SPEG: variants seen among roughly 807,000 people sequenced by gnomAD.
SPEG encodes the protein striated muscle enriched protein kinase.
A neutral mutation model predicts 300.4 loss-of-function variants in SPEG; 114 were observed. The ratio of observed to expected loss-of-function variants is 0.38; its 90% CI spans 0.33 to 0.44. The LOEUF (loss-of-function observed/expected upper bound fraction) is 0.44. SPEG is among the 20% of genes least tolerant of loss of function. The probability of loss-of-function intolerance (pLI) is 1.00; values close to 1 mark genes in which losing one functional copy is unlikely to be tolerated. For synonymous variants in SPEG, 1,964 were observed against 2,018.9 expected, an observed-to-expected ratio of 0.97 and a Z score of 0.73; for missense variants, 4,201 against 4,586.2, an observed-to-expected ratio of 0.92 and a Z score of 2.43.
In SPEG at chr2:219,481,360, T is replaced by G; in HGVS notation, c.5426T>G (p.Ile1809Ser). 6.2e-7 allele frequency: 1 copy of G among 1,613,986 alleles called. No homozygotes were observed. Among genetic ancestry groups the G allele is most frequent in the Non-Finnish European group, 8.5e-7 (1 of 1,180,004 alleles). Residue 1809 changes from isoleucine (I) to serine (S), a missense_variant, in exon 27 of 41, where the codon ATC (isoleucine) becomes AGC (serine). This residue lies in a region of SPEG where 1,047 missense variants were observed against 1,356.8 expected (regional missense o/e 0.77). Coordinates refer to ENST00000312358, the MANE Select transcript of SPEG (RefSeq NM_005876.5). This position sits in a 1 kb window ranked among gnomAD's most constrained non-coding sequence, Gnocchi z 5.4. ...AATGACCGGACAACATTGATGAACA[T>G]CCGAAACTACAACGTGGCCTTCGAG... ...GENDRTTLMN[I>S]RNYNVAFEET...
In SPEG at chr2:219,450,338, G is replaced by C. The variant is rs1689650037; in HGVS notation, c.2114-798G>C. On this transcript the variant is annotated intron_variant, in intron 4 of 40. Transcript: ENST00000312358. Reference sequence around the variant, plus strand: ...GATAACAAAACTGAGGCTCAGAGAGGCTAATTTGCCCAAGGTTTTGTAGCT... The same window carrying C: ...GATAACAAAACTGAGGCTCAGAGAGCCTAATTTGCCCAAGGTTTTGTAGCT... Among the ~76,000 whole-genome samples the C allele has an allele frequency of 2.6e-5, 4 of 152,316 alleles. No homozygotes were observed. The South Asian group carries it at 8.3e-4, about 32-fold the overall frequency.
intron 1 of SPEG, among the ~76,000 whole-genome samples, chr2:219,437,920 C>T (rs537480559): frequency 6.6e-6 from 1 of 152,288 alleles, no homozygotes; most frequent in East Asian, 1.9e-4. Context: ...TCGAGGAAGC[C>T]AAGCAAGGAC....
At chr2:219,492,430 C>G (rs1449254842) in intron 40 of SPEG, among the ~76,000 whole-genome samples, 164 bp from the exon 41 acceptor site, 1 of 152,224 alleles carries the variant, frequency 6.6e-6, no homozygotes, top group Non-Finnish European at 1.5e-5. Flanking sequence ...AAGGCAGACT[C>G]ACTGTCCCCA....
In SPEG at chr2:219,443,075, C is replaced by T. The variant is rs755365600; in HGVS notation, c.389-1578C>T. 6.2e-7 allele frequency: 1 copy of T among 1,604,036 alleles called. No homozygotes were observed. Among genetic ancestry groups the T allele is most frequent in the Non-Finnish European group, 8.5e-7 (1 of 1,173,816 alleles). On this transcript the variant is annotated intron_variant, in intron 1 of 40. Transcript: ENST00000312358. The surrounding 1 kb of genome is among the most constrained non-coding windows in gnomAD (Gnocchi z 4.6). ...CAGGGACCTTAGGAACAAGCCTCCC[C>T]CTCAACTACTCATTCTGGCTTTTCT...
rs918588667 is a variant in SPEG at position 219,464,923 on chromosome 2, C to T, written c.2881+315C>T. ...CTGGCCAAGCTCTCTCTACACTCTT[C>T]TGAGCCTTTGTCACCCTGCTCTGCC... On this transcript the variant is annotated intron_variant, in intron 9 of 40. Transcript: ENST00000312358. The surrounding 1 kb of genome is among the most constrained non-coding windows in gnomAD (Gnocchi z 4.5). The T allele has an allele frequency of 9.5e-6, 3 of 315,272 alleles. No homozygotes were observed. Among genetic ancestry groups the T allele is most frequent in the African/African-American group, 6.4e-5 (3 of 46,538 alleles). 19.5% of individuals were successfully genotyped at this position (315,272 alleles called of 1,614,324 possible).
chr2:219,484,410 C>G lies in SPEG; in HGVS notation c.6947C>G (p.Pro2316Arg). The part of the protein sequence containing the change: ...KARVPTVPPR[P>R]GSSLSSSIEN... ...CGAGTTCCCACGGTGCCCCCCAGGCCAGGCAGCAGTCTCAGTAGCAGCATC... is the reference window on the plus strand; with the variant it reads ...CGAGTTCCCACGGTGCCCCCCAGGCGAGGCAGCAGTCTCAGTAGCAGCATC... Residue 2316 changes from proline (P) to arginine (R), a missense_variant, in exon 30 of 41, where the codon CCA (proline) becomes CGA (arginine). Physicochemically the swap from Pro to Arg is moderately radical, Grantham distance 103. Around this residue, in one of 4 missense-constraint regions of SPEG, gnomAD observed 1,578 missense variants for 1,506.0 expected, o/e 1.05. Coordinates refer to ENST00000312358, the MANE Select transcript of SPEG (RefSeq NM_005876.5). 1 of 1,610,954 alleles carries G rather than the reference C, an allele frequency of 6.2e-7. No individual in the cohort carries two copies. Among genetic ancestry groups the G allele is most frequent in the Non-Finnish European group, 8.5e-7 (1 of 1,179,832 alleles).
chr2:219,462,962 A>G (rs1036720191), intron 8 of SPEG, among the ~76,000 whole-genome samples: 18 of 152,090 alleles, frequency 1.2e-4, no homozygotes, highest in Admixed American at 1.1e-3. Context: ...GGAGCAAGAC[A>G]TTTCAGAGGC....
At chr2:219,488,687 AG>A (rs1307415272) in intron 33 of SPEG, 22 bp downstream of exon 33, 2 of 1,602,480 alleles carry the variant, frequency 1.2e-6, no homozygotes, top group Admixed American at 1.7e-5. Flanking sequence ...GCAGGGCCCC[AG>A]GGGGGTAGTG....
chr2:219,473,621 G>A lies in SPEG; in HGVS notation c.4265G>A (p.Trp1422Ter). 6.2e-7 allele frequency: 1 copy of A among 1,614,208 alleles called. No homozygotes were observed. Among genetic ancestry groups the A allele is most frequent in the Non-Finnish European group, 8.5e-7 (1 of 1,180,038 alleles). The change falls in exon 17 of 41, where the codon TGG (tryptophan) becomes TAG (stop). Residue 1422 changes from tryptophan (W) to a stop codon, truncating the protein, a stop_gained. Transcript: ENST00000312358. LOFTEE classifies it high-confidence loss of function. The surrounding 1 kb of genome is among the most constrained non-coding windows in gnomAD (Gnocchi z 4.6). ...TFNHVEAQVVWRSCRGALLEA... is the reference protein window; with the variant it reads ...TFNHVEAQVV ...AACCATGTGGAGGCCCAGGTCGTCTGGAGGAGGTGGGCCCCTTTCCCACAT... is the reference window on the plus strand; with the variant it reads ...AACCATGTGGAGGCCCAGGTCGTCTAGAGGAGGTGGGCCCCTTTCCCACAT...
At chr2:219,475,614 C>T (rs1692267045) in intron 18 of SPEG, among the ~76,000 whole-genome samples, 4 of 152,206 alleles carry the variant, frequency 2.6e-5, no homozygotes, top group Admixed American at 2.6e-4. Flanking sequence ...TCAGTCACCA[C>T]TTTACTCCTT....
In SPEG at chr2:219,451,710, C is replaced by T. The variant is rs1689767696; in HGVS notation, c.2343C>T (p.Leu781=). 1.3e-6 allele frequency: 2 copies of T among 1,567,234 alleles called. No homozygotes were observed. The highest frequency in any genetic ancestry group is 1.7e-6 in the Non-Finnish European group (2 of 1,157,072). ...AGGGTGAGCGGCACACCCTGCTGCT[C>T]AGGGAGGCCAGGGCAGCAGATGCCG... is the stretch of plus-strand genomic sequence containing the variant. The part of the protein sequence containing the change: ...RAEGERHTLL[L]REARAADAGS... The change falls in exon 6 of 41, where the codon CTC becomes CTT. Residue 781 remains leucine (L), a synonymous_variant. Transcript: ENST00000312358. The surrounding 1 kb of genome is among the most constrained non-coding windows in gnomAD (Gnocchi z 6.4).
At position 219,458,031 on chromosome 2, in the gene SPEG, C is replaced by T. The variant is rs1690328060; in HGVS notation, c.2441-3851C>T. Among the ~76,000 whole-genome samples the T allele has an allele frequency of 1.3e-5, 2 of 152,230 alleles. No homozygotes were observed. The highest frequency in any genetic ancestry group is 2.9e-5 in the Non-Finnish European group (2 of 68,012). Reference sequence around the variant, plus strand: ...TACTTCCTGCTTGCTCTTGTAGTCACTTGTGTATCTGGTTTGTCTTCCCCA... The same window carrying T: ...TACTTCCTGCTTGCTCTTGTAGTCATTTGTGTATCTGGTTTGTCTTCCCCA... On this transcript the variant is annotated intron_variant, in intron 6 of 40. Transcript: ENST00000312358. The surrounding 1 kb of genome is among the most constrained non-coding windows in gnomAD (Gnocchi z 4.2).
chr2:219,437,532 G>A (rs529667423), intron 1 of SPEG, among the ~76,000 whole-genome samples: 5 of 152,314 alleles, frequency 3.3e-5, no homozygotes, highest in Admixed American at 2.0e-4. Context: ...GGCTGGATCA[G>A]GGGCCCTTTG....
chr2:219,439,353 G>C lies in SPEG; in HGVS notation c.388+3988G>C, dbSNP rs1954800466. Among the ~76,000 whole-genome samples, 1 of 152,094 alleles carries C rather than the reference G, an allele frequency of 6.6e-6. No individual in the cohort carries two copies. The highest frequency in any genetic ancestry group is 2.4e-5 in the African/African-American group (1 of 41,390). ...GGAGACCAAAATTTATGTCCTCCAGGGGATAACTTTCTAGTGAGGGGAGAC... is the reference window on the plus strand; with the variant it reads ...GGAGACCAAAATTTATGTCCTCCAGCGGATAACTTTCTAGTGAGGGGAGAC... On this transcript the variant is annotated intron_variant, in intron 1 of 40. Transcript: ENST00000312358. The surrounding 1 kb of genome is among the most constrained non-coding windows in gnomAD (Gnocchi z 4.5).
Position 219,487,695 on chromosome 2 carries a change from C to A in SPEG, c.7742-499C>A, listed in dbSNP as rs182653067. ...GTCTGCCCACAGTTTTCCTAGACTG[C>A]AGCTCTTTTGAGACTGCACATTCTG... is the stretch of plus-strand genomic sequence containing the variant. On this transcript the variant is annotated intron_variant, in intron 31 of 40. Transcript: ENST00000312358. 8.9e-3 allele frequency among the ~76,000 whole-genome samples: 1,356 copies of A among 152,340 alleles called. 7 individuals are homozygous for A. Among genetic ancestry groups the A allele is most frequent in the Non-Finnish European group, 0.014 (967 of 68,036 alleles).
intron 34 of SPEG, 47 bp from the exon 35 acceptor site, chr2:219,489,007 G>A (rs1693712077): frequency 6.2e-7 from 1 of 1,608,510 alleles, no homozygotes; most frequent in African/African-American, 1.3e-5. Context: ...GTGGGAGCTG[G>A]GGCCACCGCT....
chr2:219,477,078 G>A lies in SPEG; in HGVS notation c.4560+96G>A, dbSNP rs2125514981. ...AAGGCCTTAGGAGGGCGGAGCCCGG[G>A]CAGAGGCGTGGTTAGGAGGAGGAAA... On this transcript the variant is annotated intron_variant, in intron 19 of 40. Coordinates refer to ENST00000312358, the MANE Select transcript of SPEG (RefSeq NM_005876.5). This position sits in a 1 kb window ranked among gnomAD's most constrained non-coding sequence, Gnocchi z 6.4. 4 of 1,176,884 alleles carry A rather than the reference G, an allele frequency of 3.4e-6. No homozygotes were observed. Among genetic ancestry groups the A allele is most frequent in the Admixed American group, 2.4e-5 (1 of 41,174 alleles). The allele number at this position is 1,176,884 out of a possible 1,614,324, so 72.9% of individuals were successfully genotyped here. A position where few individuals can be genotyped will look rare whatever the true frequency, so the allele number is the denominator to read the frequency against.
rs1689539384 is a variant in SPEG at position 219,449,062 on chromosome 2, C to T, written c.1904C>T (p.Ala635Val). Reference sequence around the variant, plus strand: ...CCCGGTCGGAAGCGGGAGCCCCCGGCGCAGGCCGTGCGCTTCCTGCCCTGG... The same window carrying T: ...CCCGGTCGGAAGCGGGAGCCCCCGGTGCAGGCCGTGCGCTTCCTGCCCTGG... Reference protein sequence around the residue: ...APPGRKREPPAQAVRFLPWAT... With the variant: ...APPGRKREPPVQAVRFLPWAT... The change falls in exon 4 of 41, where the codon GCG becomes GTG. Residue 635 changes from alanine (A) to valine (V), a missense_variant. By Grantham distance (64) the Ala-to-Val change is moderately conservative. This residue lies in a region of SPEG where 1,258 missense variants were observed against 1,293.9 expected (regional missense o/e 0.97). Coordinates refer to ENST00000312358, the MANE Select transcript of SPEG (RefSeq NM_005876.5). 6.6e-7 allele frequency: 1 copy of T among 1,518,078 alleles called. No individual in the cohort carries two copies. The highest frequency in any genetic ancestry group is 1.2e-5 in the South Asian group (1 of 80,838). 94.0% of individuals were successfully genotyped at this position (1,518,078 alleles called of 1,614,324 possible).
In SPEG at chr2:219,492,748, CA is replaced by C; in HGVS notation, c.9767del (p.His3256ProfsTer39). On this transcript the variant is annotated frameshift_variant, in exon 41 of 41. Transcript: ENST00000312358. LOFTEE classifies it high-confidence loss of function. ...RRRRAEAATR[H>X]KVLLRSYPGG... ...GCGCCGGGCTGAGGCTGCCACCCGC[CA>C]CAAGGTGCTGCTGCGCTCCTACCCT... 1 of 1,600,540 alleles carries C rather than the reference CA, an allele frequency of 6.2e-7. No homozygotes were observed. Among genetic ancestry groups the C allele is most frequent in the Non-Finnish European group, 8.5e-7 (1 of 1,178,336 alleles).
Sources: gnomAD v4.1 joint callset for allele counts (sites outside exome capture counted in the v4.1 genomes callset) on GRCh38, gnomAD v4.1.1 for gene constraint, gnomAD v4.1.1 regional missense constraint, Gnocchi (gnomAD v3.1) non-coding constraint, MANE v1.5 for transcripts, NCBI Gene and HGNC (gene_info 2026-07-23, HGNC 2026-07-21) for gene names.